ROBO2: variants seen among roughly 807,000 people sequenced by gnomAD.
ROBO2 encodes the protein roundabout guidance receptor 2, also known as roundabout homolog 2.
In ROBO2, 53 loss-of-function variants were observed where a neutral mutation model predicts 160.8. That is an observed-to-expected ratio of 0.33 (90% CI 0.26 to 0.41). The LOEUF (loss-of-function observed/expected upper bound fraction) is 0.41, where lower values mean the gene tolerates loss of function less well. Among genes scored for constraint, ROBO2 ranks in the 10% least tolerant of loss-of-function variants. ROBO2 has a pLI of 1.00. For missense variants in ROBO2, 1,577 were observed against 1,722.4 expected (o/e 0.92, Z 1.49); for synonymous variants, 664 against 611.7 (o/e 1.09, Z -1.26).
intron 2 of ROBO2, among the ~76,000 whole-genome samples, chr3:77,286,256 CT>C (rs10663209): frequency 0.058 from 6,999 of 119,762 alleles, 238 homozygotes; most frequent in African/African-American, 0.16. Context: ...AATTATGGAG[CT>C]TTTTTTTTTT....
chr3:76,953,614 A>G (rs1332506710), intron 2 of ROBO2, among the ~76,000 whole-genome samples: 1 of 152,160 alleles, frequency 6.6e-6, no homozygotes, highest in Non-Finnish European at 1.5e-5. Flanking sequence ...CACTTTGGAG[A>G]TCATCTTTGG....
At chr3:76,211,925 T>C (rs1278179366) in intron 2 of ROBO2, among the ~76,000 whole-genome samples, 2 of 152,160 alleles carry the variant, frequency 1.3e-5, no homozygotes, top group East Asian at 3.9e-4. Context: ...AACATGTTTC[T>C]TTTAATATGA....
chr3:76,347,192 C>T (rs929395862), intron 2 of ROBO2, among the ~76,000 whole-genome samples: 1 of 152,080 alleles, frequency 6.6e-6, no homozygotes, highest in African/African-American at 2.4e-5. Context: ...CTGTATCCAC[C>T]TTCATATCAC....
intron 2 of ROBO2, among the ~76,000 whole-genome samples, chr3:77,214,396 T>C (rs1486645811): frequency 1.3e-5 from 2 of 152,226 alleles, no homozygotes; most frequent in African/African-American, 4.8e-5. Context: ...AGACTAGGAT[T>C]GCAACCCCTG....
chr3:77,454,454 T>C (rs1032473281), intron 2 of ROBO2, among the ~76,000 whole-genome samples: 2 of 152,168 alleles, frequency 1.3e-5, no homozygotes, highest in African/African-American at 4.8e-5. Context: ...CTAGGTGTTA[T>C]ATTAAGACAC....
chr3:76,053,242 G>A (rs1396543533), intron 2 of ROBO2, among the ~76,000 whole-genome samples: 1 of 152,098 alleles, frequency 6.6e-6, no homozygotes, highest in Admixed American at 6.5e-5. Context: ...TGAGGGCCAA[G>A]TCTGTTGACT....
At chr3:76,059,420 A>C (rs1421944150) in intron 2 of ROBO2, among the ~76,000 whole-genome samples, 2 of 152,060 alleles carry the variant, frequency 1.3e-5, no homozygotes, top group African/African-American at 2.4e-5. Flanking sequence ...GCATTTTTTC[A>C]TGTGTTTTCT....
chr3:76,322,204 A>ATATAT (rs1320119727), intron 2 of ROBO2, among the ~76,000 whole-genome samples: 27 of 113,946 alleles, frequency 2.4e-4, no homozygotes, highest in African/African-American at 3.7e-4. Flanking sequence ...ATATATATAT[A>ATATAT]ATATACACAC....
chr3:76,719,504 C>G (rs1408146549), intron 2 of ROBO2, among the ~76,000 whole-genome samples: 1 of 152,036 alleles, frequency 6.6e-6, no homozygotes, highest in African/African-American at 2.4e-5. Context: ...CTGGCTGACC[C>G]CTATATAATT....
At chr3:76,759,560 T>C (rs1238710889) in intron 2 of ROBO2, among the ~76,000 whole-genome samples, 3 of 151,650 alleles carry the variant, frequency 2.0e-5, no homozygotes, top group Non-Finnish European at 4.4e-5. Context: ...GAAAAGTGAG[T>C]TAAATAAATA....
rs578048070 is a variant in ROBO2, at chr3:76,667,925, A to G, written c.110-430089A>G. ...AATAAAGCACAGTAAGTTTGAAAAA[A>G]AAACTATGTAAAATTTTTATCCATA... is the stretch of plus-strand genomic sequence containing the variant. On this transcript the variant is annotated intron_variant, in intron 2 of 26. Coordinates refer to the ROBO2 transcript ENST00000487694. Among the ~76,000 whole-genome samples the G allele has an allele frequency of 1.1e-4, 17 of 152,338 alleles. No individual in the cohort carries two copies. In the East Asian group the frequency reaches 2.7e-3, roughly 24 times the overall value.
At chr3:77,184,158 C>A (rs981180445) in intron 2 of ROBO2, among the ~76,000 whole-genome samples, 1 of 152,078 alleles carries the variant, frequency 6.6e-6, no homozygotes, top group African/African-American at 2.4e-5. Flanking sequence ...TAACCTGAAT[C>A]TCCAGAGCTG....
chr3:77,080,574 C>A (rs565846696), intron 1 of ROBO2, among the ~76,000 whole-genome samples: 1 of 152,024 alleles, frequency 6.6e-6, no homozygotes, highest in Admixed American at 6.6e-5. Context: ...TTTATCAATG[C>A]CATAATGTTA....
At chr3:77,487,925 G>A (rs1157522512) in intron 4 of ROBO2, among the ~76,000 whole-genome samples, 3 of 152,134 alleles carry the variant, frequency 2.0e-5, no homozygotes. Context: ...TTCAATGACT[G>A]AATACAGTTA....
chr3:75,959,902 T>C (rs1948850899), intron 2 of ROBO2, among the ~76,000 whole-genome samples: 2 of 151,786 alleles, frequency 1.3e-5, no homozygotes, highest in South Asian at 4.1e-4. Flanking sequence ...AGCAGTTAAA[T>C]ATATATAAAA....
intron 2 of ROBO2, among the ~76,000 whole-genome samples, chr3:76,945,386 G>C (rs1288466654): frequency 1.3e-5 from 2 of 152,128 alleles, no homozygotes; most frequent in Non-Finnish European, 2.9e-5. Context: ...GGAGCCTAGG[G>C]CATTCCACTA....
At chr3:75,962,631 T>C (rs1457242364) in intron 2 of ROBO2, among the ~76,000 whole-genome samples, 1 of 151,930 alleles carries the variant, frequency 6.6e-6, no homozygotes, top group Admixed American at 6.6e-5. Context: ...AAATATTGTG[T>C]ATATCTGTTA....
chr3:77,205,711 A>T (rs2083369842), intron 2 of ROBO2, among the ~76,000 whole-genome samples: 2 of 152,140 alleles, frequency 1.3e-5, no homozygotes, highest in South Asian at 4.1e-4. Context: ...GCACTATTGT[A>T]GAAACAATTT....
chr3:76,828,160 G>A (rs1206395722), intron 2 of ROBO2, among the ~76,000 whole-genome samples: 1 of 152,146 alleles, frequency 6.6e-6, no homozygotes, highest in Non-Finnish European at 1.5e-5. Context: ...ACTTGGGCTT[G>A]CTTTGTGCCT....
Sources: gnomAD v4.1 joint callset for allele counts (sites outside exome capture counted in the v4.1 genomes callset) on GRCh38, gnomAD v4.1.1 for gene constraint, MANE v1.5 for transcripts, NCBI Gene and HGNC (gene_info 2026-07-23, HGNC 2026-07-21) for gene names.